The following ERCC6L variants were observed in gnomAD, a reference collection of about 807,000 sequenced individuals.
The protein encoded by ERCC6L is DNA excision repair protein ERCC-6-like.
Under a neutral mutation model 20.1 loss-of-function variants are expected in ERCC6L, and 7 were observed. The observed-to-expected ratio is 0.35, with a 90% CI of 0.20 to 0.65. ERCC6L has a LOEUF of 0.65. Ranked by LOEUF, ERCC6L falls within the 30% of genes least tolerant of loss-of-function variation. The pLI is 0.69. For synonymous variants in ERCC6L, 278 were observed against 331.3 expected (o/e 0.84, Z 1.75); for missense variants, 592 against 892.4 (o/e 0.66, Z 4.29).
intron 1 of ERCC6L, among the ~76,000 whole-genome samples, chrX:72,212,324 C>T (rs975522525): frequency 3.4e-4 from 38 of 111,146 alleles, no homozygotes; most frequent in Admixed American, 7.7e-4. Flanking sequence ...GCTATTTCCT[C>T]AGATGCAAAC....
intron 1 of ERCC6L, among the ~76,000 whole-genome samples, chrX:72,224,159 C>T (rs933358796): frequency 1.8e-5 from 2 of 111,108 alleles, no homozygotes; most frequent in African/African-American, 3.3e-5. Flanking sequence ...GATACTGGGG[C>T]GAGCCTATCA....
At chrX:72,209,719 C>G (rs967599083) in intron 1 of ERCC6L, among the ~76,000 whole-genome samples, 1 of 111,622 alleles carries the variant, frequency 9.0e-6, no homozygotes, top group Non-Finnish European at 1.9e-5. Context: ...CTTGCCCCTC[C>G]AATACACACT....
intron 1 of ERCC6L, among the ~76,000 whole-genome samples, chrX:72,231,048 T>G (rs751187512): frequency 8.9e-6 from 1 of 112,082 alleles, no homozygotes; most frequent in East Asian, 2.8e-4. Context: ...AAAGTTACCA[T>G]ATGATCCAGC....
intron 1 of ERCC6L, among the ~76,000 whole-genome samples, chrX:72,211,379 G>C (rs1345227423): frequency 2.7e-5 from 3 of 110,477 alleles, no homozygotes; most frequent in Admixed American, 9.7e-5. Context: ...TAGAGTATGG[G>C]GTGAAATGTC....
In ERCC6L at chrX:72,207,607, A is replaced by G. The variant is rs775077750; in HGVS notation, c.1160T>C (p.Leu387Ser). The change falls in exon 2 of 2, where the codon TTA (leucine) becomes TCA (serine). Residue 387 changes from leucine (L) to serine (S), a missense_variant. This residue lies in a region of ERCC6L where 196 missense variants were observed against 440.1 expected (regional missense o/e 0.45). Coordinates refer to ENST00000334463, the MANE Select transcript of ERCC6L (RefSeq NM_017669.4). ...CATTAGCAACTCCTTGATATGATCT[A>G]AAGACACAAATTTCCTGTATATTTC... ...QEEIYRKFVSLDHIKELLMET... is the reference protein window; with the variant it reads ...QEEIYRKFVSSDHIKELLMET... 2 of 1,211,488 alleles carry G rather than the reference A, an allele frequency of 1.7e-6. No individual in the cohort carries two copies. The highest frequency in any genetic ancestry group is 1.8e-5 in the South Asian group (1 of 56,962).
At chrX:72,213,019 C>T (rs2042865244) in intron 1 of ERCC6L, among the ~76,000 whole-genome samples, 1 of 112,435 alleles carries the variant, frequency 8.9e-6, no homozygotes, top group South Asian at 3.7e-4. Context: ...GTTTTCTTCA[C>T]ATGCAAAACA....
chrX:72,210,182 A>G lies in ERCC6L; in HGVS notation c.69-1484T>C, dbSNP rs746587645. On this transcript the variant is annotated intron_variant, in intron 1 of 1. Coordinates refer to ENST00000334463, the MANE Select transcript of ERCC6L (RefSeq NM_017669.4). ...GGAGTTTAAGACTAGCCTGAATAACATAGCGAGACTGTCTCTTAAAAAATA... is the reference window on the plus strand; with the variant it reads ...GGAGTTTAAGACTAGCCTGAATAACGTAGCGAGACTGTCTCTTAAAAAATA... Among the ~76,000 whole-genome samples the G allele has an allele frequency of 4.0e-5, 3 of 74,212 alleles. No individual in the cohort carries two copies. The East Asian group carries it at 0.021, about 508-fold the overall frequency. 64.4% of individuals were successfully genotyped at this position (74,212 alleles called of 115,157 possible).
At chrX:72,230,571 A>G (rs1346550811) in intron 1 of ERCC6L, among the ~76,000 whole-genome samples, 3 of 112,454 alleles carry the variant, frequency 2.7e-5, no homozygotes, top group Non-Finnish European at 5.6e-5. Context: ...GTTGAGCTGC[A>G]TTTTGTTTCT....
chrX:72,205,079 T>C lies in ERCC6L; in HGVS notation c.3688A>G (p.Lys1230Glu). ...AGCATAACTTCAGGATCTGCACTTT[T>C]TATGTCAAGCGCTTTAACTAAGCAG... is the stretch of plus-strand genomic sequence containing the variant. ...LNCLVKALDIKSADPEVMLLT... is the reference protein window; with the variant it reads ...LNCLVKALDIESADPEVMLLT... The change falls in exon 2 of 2, where the codon AAA becomes GAA. Residue 1230 changes from lysine (K) to glutamate (E), a missense_variant. Physicochemically the swap from Lys to Glu is moderately conservative, Grantham distance 56. Transcript: ENST00000334463. The C allele has an allele frequency of 1.7e-6, 2 of 1,210,960 alleles. No homozygotes were observed. Among genetic ancestry groups the C allele is most frequent in the Non-Finnish European group, 2.2e-6 (2 of 895,212 alleles).
At chrX:72,230,817 T>C (rs761775333) in intron 1 of ERCC6L, among the ~76,000 whole-genome samples, 1 of 110,618 alleles carries the variant, frequency 9.0e-6, no homozygotes, top group East Asian at 2.9e-4. Flanking sequence ...TACAAAAAAT[T>C]AGCCAGGCAT....
rs144228489 is a variant in ERCC6L at position 72,209,057 on chromosome X, C to A, written c.69-359G>T. ...ATGGAAACATGGGAACCTCTCTGGC[C>A]TTATTTTACTGGACCTCCATTTAAC... On this transcript the variant is annotated intron_variant, in intron 1 of 1. Transcript: ENST00000334463. Among the ~76,000 whole-genome samples, 1,012 of 111,339 alleles carry A rather than the reference C, an allele frequency of 9.1e-3. 10 individuals carry two copies. Among genetic ancestry groups the A allele is most frequent in the African/African-American group, 0.031 (948 of 30,618 alleles).
rs749362238 is a variant in ERCC6L at position 72,206,199 on chromosome X, T to C, written c.2568A>G (p.Ala856=). The part of the protein sequence containing the change: ...ETLQEGPKQE[A]LQEDPLESFN... ...AACTTTCCAGAGGATCCTCTTGCAGTGCCTCTTGCTTAGGCCCCTCTTGTA... is the reference window on the plus strand; with the variant it reads ...AACTTTCCAGAGGATCCTCTTGCAGCGCCTCTTGCTTAGGCCCCTCTTGTA... The change falls in exon 2 of 2, where the codon GCA becomes GCG. Residue 856 remains alanine (A), a synonymous_variant. Coordinates refer to ENST00000334463, the MANE Select transcript of ERCC6L (RefSeq NM_017669.4). 6.6e-6 allele frequency: 8 copies of C among 1,211,561 alleles called. No homozygotes were observed. Among genetic ancestry groups the C allele is most frequent in the Non-Finnish European group, 6.7e-6 (6 of 895,138 alleles).
intron 1 of ERCC6L, among the ~76,000 whole-genome samples, chrX:72,222,712 C>T (rs2042931453): frequency 9.2e-6 from 1 of 108,496 alleles, no homozygotes; most frequent in Non-Finnish European, 1.9e-5. Flanking sequence ...ATTCTCCTGC[C>T]TCAGCCTCCT....
In ERCC6L at chrX:72,205,874, G is replaced by C. The variant is rs2042815847; in HGVS notation, c.2893C>G (p.Gln965Glu). 1.7e-6 allele frequency: 2 copies of C among 1,211,482 alleles called. No homozygotes were observed. Among genetic ancestry groups the C allele is most frequent in the East Asian group, 5.9e-5 (2 of 33,839 alleles). Residue 965 changes from glutamine to glutamate, a missense_variant, in exon 2 of 2, where the codon CAA becomes GAA. By Grantham distance (29) the Gln-to-Glu change is conservative (BLOSUM62 2). This residue lies in a region of ERCC6L where 352 missense variants were observed against 402.6 expected (regional missense o/e 0.87). Transcript: ENST00000334463. The stretch of plus-strand genomic sequence containing the variant: ...TCTAAAGACTGACTGGAAAAATTTT[G>C]TCTGTTGTCTGCTGAGTCTTCCAAG... ...LFLEDSADNR[Q>E]NFSSQSLEHV... is the part of the protein sequence containing the mutation.
chrX:72,235,658 G>T (rs1188042306), intron 1 of ERCC6L, among the ~76,000 whole-genome samples: 1 of 111,704 alleles, frequency 9.0e-6, no homozygotes, highest in Admixed American at 9.5e-5. Context: ...CTCCCCAAGT[G>T]CTGGGATTAC....
intron 1 of ERCC6L, among the ~76,000 whole-genome samples, chrX:72,231,493 C>T (rs756609235): frequency 7.2e-5 from 8 of 111,043 alleles, no homozygotes; most frequent in African/African-American, 9.8e-5. Flanking sequence ...TGATCTACTG[C>T]ACATCATGGT....
intron 1 of ERCC6L, among the ~76,000 whole-genome samples, chrX:72,232,735 G>A (rs764508188): frequency 1.8e-5 from 2 of 111,771 alleles, no homozygotes; most frequent in East Asian, 2.8e-4. Context: ...ACTTGAACCC[G>A]GGAGGTGGAG....
At chrX:72,238,722 C>A in intron 1 of ERCC6L, 122 bp downstream of exon 1, 2 of 610,922 alleles carry the variant, frequency 3.3e-6, no homozygotes. Flanking sequence ...GAGAAGAGCG[C>A]GAGCGCGCGT....
chrX:72,225,155 C>T (rs1236305430), intron 1 of ERCC6L, among the ~76,000 whole-genome samples: 3 of 111,767 alleles, frequency 2.7e-5, no homozygotes, highest in Non-Finnish European at 5.6e-5. Flanking sequence ...TATTGGACCT[C>T]AAAGATGCTT....
Sources: allele counts gnomAD v4.1 joint callset (sites outside exome capture counted in the v4.1 genomes callset), GRCh38; gene constraint gnomAD v4.1.1; regional missense constraint gnomAD v4.1.1; transcripts MANE v1.5; gene names NCBI Gene and HGNC (gene_info 2026-07-23, HGNC 2026-07-21).